Variants in VGLL4 observed in about 807,000 individuals in gnomAD.
The protein encoded by VGLL4 is vestigial like family member 4, also known as transcription cofactor vestigial-like protein 4.
Under a neutral mutation model 21.0 loss-of-function variants are expected in VGLL4, and 7 were observed. That is an observed-to-expected ratio of 0.33 (90% CI 0.19 to 0.63). The LOEUF (loss-of-function observed/expected upper bound fraction) is 0.63. Ranked by LOEUF, VGLL4 falls within the 20% of genes least tolerant of loss-of-function variation. The pLI is 0.78. For missense variants in VGLL4, 394 were observed against 425.7 expected (o/e 0.93, Z 0.66); for synonymous variants, 222 against 173.2 (o/e 1.28, Z -2.21).
chr3:11,675,354 A>AAAC lies in VGLL4; in HGVS notation c.64+27616_64+27617insGTT, dbSNP rs1440712016. The stretch of plus-strand genomic sequence containing the variant: ...GAGCAAGGCACTGTCTCAAAAAATA[A>AAAC]AAAATAAAAAAATAAAAAAATGTAA... On this transcript the variant is annotated intron_variant, in intron 2 of 5. Coordinates refer to the VGLL4 transcript ENST00000273038. Among the ~76,000 whole-genome samples, 3 of 102,756 alleles carry AAAC rather than the reference A, an allele frequency of 2.9e-5. No homozygotes were observed. The East Asian group carries it at 6.6e-4, about 22-fold the overall frequency. 67.4% of individuals were successfully genotyped at this position (102,756 alleles called of 152,430 possible).
intron 1 of VGLL4, 62 bp from the exon 2 acceptor site, chr3:11,602,084 G>A (rs1281510762): frequency 7.1e-7 from 1 of 1,414,108 alleles, no homozygotes; most frequent in African/African-American, 1.5e-5. Context: ...CAGTCCCCCA[G>A]GCTCCCCGCC....
At chr3:11,592,114 T>A (rs999838415) in intron 2 of VGLL4, among the ~76,000 whole-genome samples, 1 of 152,258 alleles carries the variant, frequency 6.6e-6, no homozygotes, top group Non-Finnish European at 1.5e-5. Context: ...AAAGAGCAGA[T>A]AGTTTGAAGG....
intron 2 of VGLL4, among the ~76,000 whole-genome samples, chr3:11,649,630 T>C (rs568430351): frequency 8.5e-5 from 13 of 152,304 alleles, no homozygotes; most frequent in African/African-American, 2.6e-4. Flanking sequence ...TTAAAAATAA[T>C]AAGAATCCAA....
At chr3:11,662,901 G>A (rs541400095) in intron 2 of VGLL4, among the ~76,000 whole-genome samples, 1 of 152,314 alleles carries the variant, frequency 6.6e-6, no homozygotes, top group East Asian at 1.9e-4. Context: ...ACTTGAGATG[G>A]GAGGGACTTT....
chr3:11,556,556 C>T lies in VGLL4; in HGVS notation c.*2000G>A, dbSNP rs1217766266. ...GCTATGAATGCAGATGCAGTGTTCT[C>T]ATAGAATAACTGTTCCTGCACTTTT... On this transcript the variant is annotated 3_prime_UTR_variant, in exon 5 of 5. Transcript: ENST00000430365. The T allele has an allele frequency of 1.3e-5, 2 of 152,384 alleles. No homozygotes were observed. Among genetic ancestry groups the T allele is most frequent in the Non-Finnish European group, 2.9e-5 (2 of 68,004 alleles). The allele number at this position is 152,384 out of a possible 1,614,324, so 9.4% of individuals were successfully genotyped here. A position where few individuals can be genotyped will look rare whatever the true frequency, so the allele number is the denominator to read the frequency against.
intron 2 of VGLL4, among the ~76,000 whole-genome samples, chr3:11,572,814 A>G (rs1400054663): frequency 1.3e-5 from 2 of 152,202 alleles, no homozygotes; most frequent in East Asian, 1.9e-4. Flanking sequence ...ACACCACTGC[A>G]TATGTACCCG....
At chr3:11,626,250 A>G in intron 1 of VGLL4, 1 of 419,524 alleles carries the variant, frequency 2.4e-6, no homozygotes. Flanking sequence ...CGGAAGCTGA[A>G]TCAAATACGG....
At chr3:11,599,233 G>A (rs574476594) in intron 2 of VGLL4, among the ~76,000 whole-genome samples, 2 of 152,092 alleles carry the variant, frequency 1.3e-5, no homozygotes, top group African/African-American at 2.4e-5. Flanking sequence ...CACGCCAATC[G>A]CCTTTCCTCC....
chr3:11,602,360 G>C (rs1164072105), intron 1 of VGLL4, among the ~76,000 whole-genome samples: 1 of 152,108 alleles, frequency 6.6e-6, no homozygotes, highest in Non-Finnish European at 1.5e-5. Flanking sequence ...CTTTTCACGT[G>C]TGGGTATTCC....
At chr3:11,656,169 AG>A (rs1559926788) in intron 2 of VGLL4, among the ~76,000 whole-genome samples, 1 of 152,156 alleles carries the variant, frequency 6.6e-6, no homozygotes, top group East Asian at 1.9e-4. Flanking sequence ...ATCCCTAAGG[AG>A]GGGAGAATAA....
intron 1 of VGLL4, among the ~76,000 whole-genome samples, chr3:11,635,495 T>C (rs1437637935): frequency 6.6e-6 from 1 of 150,440 alleles, no homozygotes; most frequent in African/African-American, 2.5e-5. Context: ...CTCTAAGATA[T>C]AGAGCAGATT....
chr3:11,597,566 C>T (rs1232154675), intron 2 of VGLL4, among the ~76,000 whole-genome samples: 1 of 152,116 alleles, frequency 6.6e-6, no homozygotes, highest in East Asian at 1.9e-4. Flanking sequence ...AAACAAGTGT[C>T]AAAGAACTGA....
chr3:11,558,548 C>T lies in VGLL4; in HGVS notation c.*8G>A, dbSNP rs370862899. On this transcript the variant is annotated 3_prime_UTR_variant, in exon 5 of 5. Transcript: ENST00000430365. ...CAGATCCACGTGTTGTTGGAGGAGG[C>T]GCTCCCTTCAGGAGACCACAGAGGG... 3.2e-5 allele frequency: 49 copies of T among 1,527,454 alleles called. No homozygotes were observed. The highest frequency in any genetic ancestry group is 3.3e-5 in the Non-Finnish European group (37 of 1,136,534). The allele number at this position is 1,527,454 out of a possible 1,614,324, so 94.6% of individuals were successfully genotyped here.
chr3:11,584,982 AG>A, intron 2 of VGLL4, among the ~76,000 whole-genome samples: 1 of 152,202 alleles, frequency 6.6e-6, no homozygotes, highest in Non-Finnish European at 1.5e-5. Flanking sequence ...TGACCTTCCT[AG>A]GTCCTATGTA....
chr3:11,685,183 T>C (rs989919570), intron 2 of VGLL4, among the ~76,000 whole-genome samples: 11 of 148,564 alleles, frequency 7.4e-5, no homozygotes, highest in East Asian at 2.0e-4. Context: ...TGTAGCTGCA[T>C]AGTATTCCAT....
intron 2 of VGLL4, among the ~76,000 whole-genome samples, chr3:11,654,040 G>C (rs1029232083): frequency 3.9e-5 from 6 of 152,066 alleles, no homozygotes; most frequent in Non-Finnish European, 5.9e-5. Context: ...TAGTGGTTAG[G>C]AGCCAGGGAT....
At chr3:11,667,160 G>C (rs5003429) in intron 2 of VGLL4, among the ~76,000 whole-genome samples, 152,365 of 152,366 alleles carry the variant, frequency 1, 76,182 homozygotes, top group Non-Finnish European at 1. Flanking sequence ...GATGCTAGTA[G>C]TGCAGATGCC....
Position 11,558,532 on chromosome 3 carries a change from G to A in VGLL4, c.*24C>T, listed in dbSNP as rs201152887. ...GCTCAGGCAAACCATGCAGATCCACGTGTTGTTGGAGGAGGCGCTCCCTTC... is the reference window on the plus strand; with the variant it reads ...GCTCAGGCAAACCATGCAGATCCACATGTTGTTGGAGGAGGCGCTCCCTTC... On this transcript the variant is annotated 3_prime_UTR_variant, in exon 5 of 5. Transcript: ENST00000430365. The A allele has an allele frequency of 5.8e-5, 85 of 1,475,436 alleles. No homozygotes were observed. Among genetic ancestry groups the A allele is most frequent in the African/African-American group, 2.1e-4 (14 of 67,914 alleles). The allele number at this position is 1,475,436 out of a possible 1,614,324, so 91.4% of individuals were successfully genotyped here.
At chr3:11,635,983 A>T (rs182806243) in intron 1 of VGLL4, among the ~76,000 whole-genome samples, 46 of 152,334 alleles carry the variant, frequency 3.0e-4, no homozygotes, top group African/African-American at 1.1e-3. Flanking sequence ...GTCAGCCAAT[A>T]GTTTATCAGT....
Sources: gnomAD v4.1 joint callset for allele counts (sites outside exome capture counted in the v4.1 genomes callset) on GRCh38, gnomAD v4.1.1 for gene constraint, MANE v1.5 for transcripts, NCBI Gene and HGNC (gene_info 2026-07-23, HGNC 2026-07-21) for gene names.